Variants in GEN1 observed in about 807,000 individuals in gnomAD.
GEN1 encodes the protein flap endonuclease GEN homolog 1.
A neutral mutation model predicts 67.6 loss-of-function variants in GEN1; 64 were observed. The observed-to-expected ratio is 0.95, with a 90% CI of 0.77 to 1.17. The LOEUF (loss-of-function observed/expected upper bound fraction) is 1.17. GEN1 is among the 50% of genes most tolerant of loss of function. The pLI is 0.00. For missense variants in GEN1, 1,058 were observed against 1,048.3 expected (o/e 1.01, Z -0.13); for synonymous variants, 371 against 359.4 (o/e 1.03, Z -0.37).
intron 11 of GEN1, among the ~76,000 whole-genome samples, chr2:17,777,737 A>G (rs530589239): frequency 2.6e-5 from 4 of 152,184 alleles, no homozygotes; most frequent in Non-Finnish European, 5.9e-5. Context: ...AATATAACAA[A>G]TTTTAAAACA....
chr2:17,784,619 T>C lies in GEN1; in HGVS notation c.*2680T>C, dbSNP rs1052511417. 1 of 152,232 alleles carries C rather than the reference T, an allele frequency of 6.6e-6. No homozygotes were observed. Among genetic ancestry groups the C allele is most frequent in the African/African-American group, 2.4e-5 (1 of 41,456 alleles). 9.4% of individuals were successfully genotyped at this position (152,232 alleles called of 1,614,324 possible). Reference sequence around the variant, plus strand: ...TGTATTAGCTATTGTGTGCTAAGCATTCAACTAGATTATTTACAAACCTTG... The same window carrying C: ...TGTATTAGCTATTGTGTGCTAAGCACTCAACTAGATTATTTACAAACCTTG... On this transcript the variant is annotated 3_prime_UTR_variant, in exon 14 of 14. Coordinates refer to ENST00000381254, the MANE Select transcript of GEN1 (RefSeq NM_001130009.3).
At chr2:17,779,605 A>AT (rs113812462) in intron 12 of GEN1, among the ~76,000 whole-genome samples, 2,855 of 146,154 alleles carry the variant, frequency 0.02, 36 homozygotes, top group Non-Finnish European at 0.029. Context: ...GGAAAGATTG[A>AT]TTTTTTTTTT....
In GEN1 at chr2:17,781,976, T is replaced by C; in HGVS notation, c.*37T>C. ...CTTAGGTATAACTTAACTATTTTAG[T>C]ACTATCAGCAATAGCAGAGACAGAG... On this transcript the variant is annotated 3_prime_UTR_variant, in exon 14 of 14. Coordinates refer to ENST00000381254, the MANE Select transcript of GEN1 (RefSeq NM_001130009.3). 6.0e-6 allele frequency: 7 copies of C among 1,176,074 alleles called. No individual in the cohort carries two copies. In the Middle Eastern group the frequency reaches 1.4e-3, roughly 239 times the overall value. 72.9% of individuals were successfully genotyped at this position (1,176,074 alleles called of 1,614,324 possible). A position where few individuals can be genotyped will look rare whatever the true frequency, so the allele number is the denominator to read the frequency against.
chr2:17,770,590 G>A (rs530302800), intron 6 of GEN1, among the ~76,000 whole-genome samples: 2 of 152,044 alleles, frequency 1.3e-5, no homozygotes, highest in Non-Finnish European at 2.9e-5. Context: ...AGCCAAAAAC[G>A]AAATTAACTT....
intron 1 of GEN1, among the ~76,000 whole-genome samples, chr2:17,757,021 TATG>T (rs1231358668): frequency 6.6e-6 from 1 of 152,230 alleles, no homozygotes; most frequent in Non-Finnish European, 1.5e-5. Context: ...CTTAAAATAT[TATG>T]ATGTTCTTTC....
Position 17,758,468 on chromosome 2 carries a change from T to C in GEN1, c.-15-1461T>C, listed in dbSNP as rs190514572. Among the ~76,000 whole-genome samples, 388 of 152,350 alleles carry C rather than the reference T, an allele frequency of 2.5e-3. 7 individuals carry two copies. Among genetic ancestry groups the C allele is most frequent in the Admixed American group, 0.023 (349 of 15,310 alleles). Reference sequence around the variant, plus strand: ...TTCATAATAATGACTTTGAGAATATTTGTACTGCACTCTTTTTCCAGAATT... The same window carrying C: ...TTCATAATAATGACTTTGAGAATATCTGTACTGCACTCTTTTTCCAGAATT... On this transcript the variant is annotated intron_variant, in intron 1 of 13. Coordinates refer to ENST00000381254, the MANE Select transcript of GEN1 (RefSeq NM_001130009.3).
At chr2:17,773,607 G>T (rs1253395834) in intron 10 of GEN1, among the ~76,000 whole-genome samples, 1 of 151,992 alleles carries the variant, frequency 6.6e-6, no homozygotes, top group Non-Finnish European at 1.5e-5. Flanking sequence ...ATATAATTAT[G>T]GAAGGTAGTA....
rs1358007772 is a variant in GEN1, at chr2:17,785,740, A to G, written c.*3801A>G. On this transcript the variant is annotated 3_prime_UTR_variant, in exon 14 of 14. Coordinates refer to ENST00000381254, the MANE Select transcript of GEN1 (RefSeq NM_001130009.3). Reference sequence around the variant, plus strand: ...GAAACCCCATCTCTACTAAAAATACAAAAATCAGTGGGGCCTGGTGGCGTG... The same window carrying G: ...GAAACCCCATCTCTACTAAAAATACGAAAATCAGTGGGGCCTGGTGGCGTG... The G allele has an allele frequency of 6.6e-6, 1 of 152,262 alleles. No homozygotes were observed. The highest frequency in any genetic ancestry group is 1.9e-4 in the East Asian group (1 of 5,184). The allele number at this position is 152,262 out of a possible 1,614,324, so 9.4% of individuals were successfully genotyped here.
chr2:17,760,153 T>A, intron 2 of GEN1, 49 bp downstream of exon 2: 1 of 1,521,974 alleles, frequency 6.6e-7, no homozygotes, highest in Non-Finnish European at 8.9e-7. Flanking sequence ...TAAACAGTCT[T>A]GGTATCTTGA....
rs1671640380 is a variant in GEN1 at position 17,760,819 on chromosome 2, T to A, written c.162-577T>A. On this transcript the variant is annotated intron_variant, in intron 2 of 13. Transcript: ENST00000381254. ...TGCCTGTAATCCCAGCTACTTGGGATGCTGAGGCAGGAAAATCACTTGAAC... is the reference window on the plus strand; with the variant it reads ...TGCCTGTAATCCCAGCTACTTGGGAAGCTGAGGCAGGAAAATCACTTGAAC... Among the ~76,000 whole-genome samples the A allele has an allele frequency of 2.0e-5, 3 of 150,640 alleles. No homozygotes were observed. The South Asian group carries it at 6.3e-4, about 32-fold the overall frequency.
chr2:17,781,904 C>A lies in GEN1; in HGVS notation c.2692C>A (p.Arg898Ser). ...GTCLDSPLPLRQRLKLRFQST is the reference protein window; with the variant it reads ...GTCLDSPLPLSQRLKLRFQST ...TTGTTTGGATAGCCCTCTTCCTTTA[C>A]GCCAGAGATTAAAACTAAGATTCCA... Residue 898 changes from arginine (R) to serine (S), a missense_variant, in exon 14 of 14, where the codon CGC becomes AGC. Coordinates refer to ENST00000381254, the MANE Select transcript of GEN1 (RefSeq NM_001130009.3). 2 of 1,567,276 alleles carry A rather than the reference C, an allele frequency of 1.3e-6. No homozygotes were observed. The highest frequency in any genetic ancestry group is 1.7e-6 in the Non-Finnish European group (2 of 1,163,462).
Position 17,771,292 on chromosome 2 carries a change from G to A in GEN1, c.802+5G>A. ...GTTCCGTATGTTCCCATCCAGGTAA[G>A]GAGACATAGGGAATGGTTATTAGTA... On this transcript the variant is annotated splice_donor_5th_base_variant and intron_variant, in intron 7 of 13. Transcript: ENST00000381254. The A allele has an allele frequency of 6.5e-7, 1 of 1,535,068 alleles. No homozygotes were observed. Among genetic ancestry groups the A allele is most frequent in the South Asian group, 1.1e-5 (1 of 89,346 alleles).
Position 17,761,698 on chromosome 2 carries a change from C to A in GEN1, c.348+116C>A, listed in dbSNP as rs10166369. The A allele has an allele frequency of 0.015, 10,410 of 682,178 alleles. 417 individuals carry two copies. The highest frequency in any genetic ancestry group is 0.11 in the African/African-American group (5,968 of 53,424). The allele number at this position is 682,178 out of a possible 1,614,324, so 42.3% of individuals were successfully genotyped here. ...TTTATTGTGACTAGCAGGGATGTGC[C>A]TAGAGAAAAGAGTTTATTTTTTAGA... On this transcript the variant is annotated intron_variant, in intron 3 of 13. Transcript: ENST00000381254.
chr2:17,767,569 C>T (rs974161996), intron 5 of GEN1, among the ~76,000 whole-genome samples: 4 of 152,108 alleles, frequency 2.6e-5, no homozygotes, highest in Admixed American at 1.3e-4. Context: ...TTAAATACCA[C>T]AAACCATTAT....
chr2:17,788,027 T>G lies in GEN1; in HGVS notation c.*6088T>G, dbSNP rs1046153209. ...AATTTCTCTGTGGAGAGAGACCAAA[T>G]CTAACCGGGTGGATTAGCTTGATAC... is the stretch of plus-strand genomic sequence containing the variant. On this transcript the variant is annotated 3_prime_UTR_variant, in exon 14 of 14. Coordinates refer to ENST00000381254, the MANE Select transcript of GEN1 (RefSeq NM_001130009.3). 8 of 152,182 alleles carry G rather than the reference T, an allele frequency of 5.3e-5. No homozygotes were observed. The highest frequency in any genetic ancestry group is 1.2e-4 in the Non-Finnish European group (8 of 68,034). 9.4% of individuals were successfully genotyped at this position (152,182 alleles called of 1,614,324 possible).
At chr2:17,776,452 C>A (rs966658647) in intron 11 of GEN1, among the ~76,000 whole-genome samples, 4 of 151,948 alleles carry the variant, frequency 2.6e-5, no homozygotes, top group Non-Finnish European at 5.9e-5. Flanking sequence ...AGACAGGCTG[C>A]AGTATTTAGG....
chr2:17,773,143 G>A lies in GEN1; in HGVS notation c.990+11G>A. 6.3e-7 allele frequency: 1 copy of A among 1,579,310 alleles called. No individual in the cohort carries two copies. Among genetic ancestry groups the A allele is most frequent in the South Asian group, 1.1e-5 (1 of 89,676 alleles). On this transcript the variant is annotated intron_variant, in intron 9 of 13. Coordinates refer to ENST00000381254, the MANE Select transcript of GEN1 (RefSeq NM_001130009.3). ...TTCCCATTCCATGAGGTAATATCCA[G>A]TAATTCAACTCTATTAATTTTAGAA...
chr2:17,766,760 T>C, intron 5 of GEN1, 71 bp downstream of exon 5: 1 of 785,048 alleles, frequency 1.3e-6, no homozygotes, highest in Non-Finnish European at 2.2e-6. Flanking sequence ...TGTATAAATA[T>C]GAATATAATA....
intron 1 of GEN1, among the ~76,000 whole-genome samples, chr2:17,759,088 ATAT>A (rs1021584893): frequency 2.4e-4 from 37 of 152,322 alleles, no homozygotes; most frequent in African/African-American, 8.9e-4. Context: ...TTGACTTAAT[ATAT>A]TATTGTCTCC....
Sources: allele counts gnomAD v4.1 joint callset (sites outside exome capture counted in the v4.1 genomes callset), GRCh38; gene constraint gnomAD v4.1.1; transcripts MANE v1.5; gene names NCBI Gene and HGNC (gene_info 2026-07-23, HGNC 2026-07-21).